The following UBE2E3 variants were observed in gnomAD, a reference collection of about 807,000 sequenced individuals.
UBE2E3 encodes the protein ubiquitin conjugating enzyme E2 E3.
Under a neutral mutation model 23.6 loss-of-function variants are expected in UBE2E3, and 5 were observed. That is an observed-to-expected ratio of 0.21 (90% CI 0.11 to 0.44). The LOEUF (loss-of-function observed/expected upper bound fraction) is 0.44, where lower values mean the gene tolerates loss of function less well. UBE2E3 is among the 20% of genes least tolerant of loss of function. UBE2E3 has a pLI of 0.99. For missense variants in UBE2E3, 81 were observed against 249.8 expected, an observed-to-expected ratio of 0.32 and a Z score of 4.55; for synonymous variants, 78 against 87.5, an observed-to-expected ratio of 0.89 and a Z score of 0.60.
intron 3 of UBE2E3, among the ~76,000 whole-genome samples, chr2:181,005,717 A>T (rs1022631204): frequency 6.6e-6 from 1 of 152,120 alleles, no homozygotes. Flanking sequence ...ATATAGTTAT[A>T]TATTTTTTCT....
intron 3 of UBE2E3, among the ~76,000 whole-genome samples, chr2:181,023,662 G>T (rs1044645271): frequency 6.6e-6 from 1 of 151,994 alleles, no homozygotes; most frequent in African/African-American, 2.4e-5. Context: ...AAAAATTGGG[G>T]GCATCCAATA....
At chr2:181,002,180 T>C (rs1685011219) in intron 3 of UBE2E3, among the ~76,000 whole-genome samples, 1 of 143,840 alleles carries the variant, frequency 7.0e-6, no homozygotes, top group Non-Finnish European at 1.6e-5. Flanking sequence ...CTGGAATGTT[T>C]TAATGGATTT....
chr2:181,003,253 A>AT (rs1685041063), intron 3 of UBE2E3, among the ~76,000 whole-genome samples: 1 of 152,124 alleles, frequency 6.6e-6, no homozygotes, highest in Non-Finnish European at 1.5e-5. Flanking sequence ...TATGAGTTTA[A>AT]TTTTTTTATA....
chr2:181,032,845 C>A (rs1451246336), intron 3 of UBE2E3, among the ~76,000 whole-genome samples: 1 of 152,130 alleles, frequency 6.6e-6, no homozygotes, highest in Non-Finnish European at 1.5e-5. Flanking sequence ...TCTCAGGATA[C>A]AAAATCAATG....
chr2:181,016,295 G>T (rs1356100579), intron 3 of UBE2E3, among the ~76,000 whole-genome samples: 3 of 151,678 alleles, frequency 2.0e-5, no homozygotes, highest in Non-Finnish European at 2.9e-5. Context: ...GTCCAGGCTG[G>T]TCTTGATCTC....
At chr2:181,037,990 G>T (rs1022824531) in intron 3 of UBE2E3, among the ~76,000 whole-genome samples, 2 of 152,144 alleles carry the variant, frequency 1.3e-5, no homozygotes, top group Non-Finnish European at 2.9e-5. Flanking sequence ...AAAAGTTATA[G>T]TAAGCTAAAG....
At chr2:181,040,623 A>G (rs984421402) in intron 3 of UBE2E3, among the ~76,000 whole-genome samples, 29 of 152,232 alleles carry the variant, frequency 1.9e-4, no homozygotes, top group African/African-American at 4.3e-4. Context: ...TATAAGGTAT[A>G]CTACAAATTA....
chr2:181,058,050 A>G (rs554927591), intron 4 of UBE2E3, among the ~76,000 whole-genome samples: 51 of 151,914 alleles, frequency 3.4e-4, no homozygotes, highest in Admixed American at 5.9e-4. Context: ...AAATAAAACT[A>G]TACCTTGCAC....
intron 3 of UBE2E3, among the ~76,000 whole-genome samples, chr2:181,048,859 C>CAAA: frequency 6.6e-6 from 1 of 152,230 alleles, no homozygotes; most frequent in Middle Eastern, 3.4e-3. Context: ...GCCTACTTCA[C>CAAA]ACATGCCCAT....
chr2:181,047,714 A>T (rs1257682240), intron 3 of UBE2E3, among the ~76,000 whole-genome samples: 3 of 151,966 alleles, frequency 2.0e-5, no homozygotes, highest in Non-Finnish European at 4.4e-5. Flanking sequence ...GCCTATCATC[A>T]TCTTTCACCC....
chr2:181,018,101 C>T (rs112291408), intron 3 of UBE2E3, among the ~76,000 whole-genome samples: 42 of 152,166 alleles, frequency 2.8e-4, no homozygotes, highest in African/African-American at 9.4e-4. Context: ...TTTGGCTTCA[C>T]TTATGCCTGT....
At chr2:180,997,696 A>G (rs1037741957) in intron 3 of UBE2E3, among the ~76,000 whole-genome samples, 2 of 151,864 alleles carry the variant, frequency 1.3e-5, no homozygotes, top group African/African-American at 4.8e-5. Flanking sequence ...TTTTTCTTCC[A>G]TTATGTAGAA....
Position 181,003,269 on chromosome 2 carries a change from A to T in UBE2E3, c.245+19176A>T, listed in dbSNP as rs1685041217. ...ATGAGTTTAATTTTTTTATATTAAC[A>T]GCGTTTAAGCAAACATGAGCTAATA... On this transcript the variant is annotated intron_variant, in intron 3 of 5. Transcript: ENST00000410062. Among the ~76,000 whole-genome samples, 2 of 152,240 alleles carry T rather than the reference A, an allele frequency of 1.3e-5. 1 individual carries two copies. Among genetic ancestry groups the T allele is most frequent in the African/African-American group, 4.8e-5 (2 of 41,458 alleles).
chr2:180,998,793 C>A (rs1357458692), intron 3 of UBE2E3, among the ~76,000 whole-genome samples: 1 of 151,970 alleles, frequency 6.6e-6, no homozygotes, highest in African/African-American at 2.4e-5. Flanking sequence ...GCAACAGATA[C>A]GTTTTTATCC....
intron 5 of UBE2E3, among the ~76,000 whole-genome samples, chr2:181,062,177 T>G (rs761257240): frequency 2.6e-5 from 4 of 151,658 alleles, no homozygotes; most frequent in Non-Finnish European, 4.4e-5. Context: ...GGAAGATAGT[T>G]TTTTTTTACT....
At chr2:180,987,132 G>T (rs529849942) in intron 3 of UBE2E3, among the ~76,000 whole-genome samples, 2 of 152,210 alleles carry the variant, frequency 1.3e-5, no homozygotes, top group South Asian at 4.1e-4. Flanking sequence ...GGAGGGCCAT[G>T]GGCCATAGTG....
intron 3 of UBE2E3, among the ~76,000 whole-genome samples, chr2:181,046,333 C>A (rs1267507862): frequency 6.6e-6 from 1 of 152,078 alleles, no homozygotes. Context: ...CAAATACTTG[C>A]TAGCAGAAGA....
intron 3 of UBE2E3, among the ~76,000 whole-genome samples, chr2:181,044,663 G>A (rs1421153739): frequency 6.6e-6 from 1 of 152,090 alleles, no homozygotes; most frequent in Non-Finnish European, 1.5e-5. Flanking sequence ...TATGTCACTA[G>A]ATTAGTGTAT....
At chr2:181,042,288 T>G (rs1292321122) in intron 3 of UBE2E3, among the ~76,000 whole-genome samples, 1 of 152,214 alleles carries the variant, frequency 6.6e-6, no homozygotes, top group Non-Finnish European at 1.5e-5. Flanking sequence ...GAAGCATCAG[T>G]TAATATTCTG....
Sources: allele counts gnomAD v4.1 joint callset (sites outside exome capture counted in the v4.1 genomes callset), GRCh38; gene constraint gnomAD v4.1.1; transcripts MANE v1.5; gene names NCBI Gene and HGNC (gene_info 2026-07-23, HGNC 2026-07-21).